Variants in CTNNBL1 observed in about 807,000 individuals in gnomAD.
CTNNBL1 encodes beta-catenin-like protein 1.
In CTNNBL1, 31 loss-of-function variants were observed where a neutral mutation model predicts 72.7. The observed-to-expected ratio is 0.43, with a 90% CI of 0.32 to 0.58. The LOEUF is 0.58. Ranked by LOEUF, CTNNBL1 falls within the 20% of genes least tolerant of loss-of-function variation. The probability of loss-of-function intolerance (pLI) is 0.08; values close to 1 mark genes in which losing one functional copy is unlikely to be tolerated. For missense variants in CTNNBL1, 534 were observed against 725.1 expected, an observed-to-expected ratio of 0.74 and a Z score of 3.03; for synonymous variants, 240 against 267.3, an observed-to-expected ratio of 0.90 and a Z score of 1.00.
chr20:37,835,093 G>A (rs2072242355), intron 11 of CTNNBL1, among the ~76,000 whole-genome samples: 3 of 152,182 alleles, frequency 2.0e-5, no homozygotes, highest in Admixed American at 2.0e-4. Context: ...AAGGATAAGG[G>A]CAGGCAGTTC....
chr20:37,815,927 T>A (rs779451386), intron 11 of CTNNBL1, among the ~76,000 whole-genome samples: 3 of 152,200 alleles, frequency 2.0e-5, no homozygotes, highest in Non-Finnish European at 2.9e-5. Context: ...CCTGGACTCT[T>A]GTAATATTGG....
At chr20:37,862,541 A>G (rs2072499646) in intron 15 of CTNNBL1, among the ~76,000 whole-genome samples, 1 of 152,022 alleles carries the variant, frequency 6.6e-6, no homozygotes, top group Admixed American at 6.6e-5. Context: ...ATCCTGGTTT[A>G]TTTCCCTAGT....
chr20:37,738,696 T>C (rs1480723388), intron 3 of CTNNBL1, among the ~76,000 whole-genome samples: 2 of 152,132 alleles, frequency 1.3e-5, no homozygotes. Context: ...AGAGATATAA[T>C]AGGAGAAGAA....
At chr20:37,786,977 A>C (rs1600487332) in intron 10 of CTNNBL1, among the ~76,000 whole-genome samples, 2 of 152,342 alleles carry the variant, frequency 1.3e-5, no homozygotes, top group East Asian at 3.9e-4. Flanking sequence ...TTTCTAGGGT[A>C]TAAAGTACTA....
intron 10 of CTNNBL1, among the ~76,000 whole-genome samples, chr20:37,783,103 A>C (rs746123458): frequency 1.3e-5 from 2 of 152,018 alleles, no homozygotes; most frequent in Non-Finnish European, 2.9e-5. Context: ...CAGAGACAGG[A>C]TTTCACCATG....
rs111734680 is a variant in CTNNBL1 at position 37,695,414 on chromosome 20, C to G, written c.30+1262C>G. Among the ~76,000 whole-genome samples the G allele has an allele frequency of 3.9e-3, 600 of 152,206 alleles. 6 individuals are homozygous for G. The highest frequency in any genetic ancestry group is 0.014 in the African/African-American group (569 of 41,516). On this transcript the variant is annotated intron_variant, in intron 1 of 15. Coordinates refer to ENST00000361383, the MANE Select transcript of CTNNBL1 (RefSeq NM_030877.5). ...CTTGCTATGTTGCCCAAGATGGTCT[C>G]AAACTCCTAGCCTCAAGCAGTCTTC...
At chr20:37,714,050 G>A (rs1221273834) in intron 1 of CTNNBL1, among the ~76,000 whole-genome samples, 1 of 150,888 alleles carries the variant, frequency 6.6e-6, no homozygotes, top group Admixed American at 6.6e-5. Context: ...CTAGAAGAGG[G>A]CTCCAATGGA....
At chr20:37,711,200 A>G (rs906338292) in intron 1 of CTNNBL1, among the ~76,000 whole-genome samples, 1 of 151,962 alleles carries the variant, frequency 6.6e-6, no homozygotes. Flanking sequence ...CAGTTCTGCA[A>G]CTCTGACAGT....
At chr20:37,750,293 C>G (rs1333175910) in intron 4 of CTNNBL1, 3 of 152,230 alleles carry the variant, frequency 2.0e-5, no homozygotes, top group Non-Finnish European at 4.4e-5. Flanking sequence ...AGAATGGATT[C>G]TGATCTGTGA....
chr20:37,849,470 C>G (rs1205979433), intron 13 of CTNNBL1, among the ~76,000 whole-genome samples: 1 of 152,214 alleles, frequency 6.6e-6, no homozygotes, highest in African/African-American at 2.4e-5. Flanking sequence ...TGTGCTTTCT[C>G]AAACCTTCTA....
chr20:37,758,628 G>A (rs994573894), intron 5 of CTNNBL1, among the ~76,000 whole-genome samples: 6 of 152,222 alleles, frequency 3.9e-5, no homozygotes, highest in African/African-American at 1.2e-4. Flanking sequence ...ATCTAGTCCA[G>A]CCCCTACCCT....
chr20:37,779,358 C>T (rs763194765), intron 10 of CTNNBL1, 23 bp downstream of exon 10: 2 of 1,607,960 alleles, frequency 1.2e-6, no homozygotes, highest in South Asian at 1.1e-5. Flanking sequence ...TGCCCTAGTT[C>T]TCCCACCTTT....
chr20:37,747,378 C>CAAA (rs11476313), intron 4 of CTNNBL1, among the ~76,000 whole-genome samples: 8 of 42,920 alleles, frequency 1.9e-4, no homozygotes, highest in African/African-American at 2.3e-4. Context: ...GACTCCATCT[C>CAAA]AAAAAAAAAA....
At chr20:37,821,980 G>A (rs1355792497) in intron 11 of CTNNBL1, among the ~76,000 whole-genome samples, 2 of 152,038 alleles carry the variant, frequency 1.3e-5, no homozygotes, top group South Asian at 2.1e-4. Flanking sequence ...ATAGAGAAAG[G>A]GAAGAATTTT....
At chr20:37,833,578 G>T (rs1302250978) in intron 11 of CTNNBL1, among the ~76,000 whole-genome samples, 1 of 152,182 alleles carries the variant, frequency 6.6e-6, no homozygotes, top group African/African-American at 2.4e-5. Flanking sequence ...CTGTGTGTGT[G>T]TGTGCGTGTG....
chr20:37,800,637 ACT>A lies in CTNNBL1; in HGVS notation c.1032-2226_1032-2225del, dbSNP rs1307439290. ...TACATGTATATTATTCTTTCCCCAC[ACT>A]CTCCCAAATACATGTAATTTGTCTC... On this transcript the variant is annotated intron_variant, in intron 10 of 15. Coordinates refer to ENST00000361383, the MANE Select transcript of CTNNBL1 (RefSeq NM_030877.5). 5.3e-5 allele frequency among the ~76,000 whole-genome samples: 8 copies of A among 151,704 alleles called. No homozygotes were observed. In the South Asian group the frequency reaches 1.7e-3, roughly 32 times the overall value.
intron 15 of CTNNBL1, among the ~76,000 whole-genome samples, chr20:37,869,156 C>G (rs2072561438): frequency 6.6e-6 from 1 of 152,196 alleles, no homozygotes; most frequent in African/African-American, 2.4e-5. Context: ...TGGGGGTAGA[C>G]ACACAGCTGG....
intron 11 of CTNNBL1, among the ~76,000 whole-genome samples, chr20:37,823,056 C>T (rs143912507): frequency 2.0e-5 from 3 of 152,232 alleles, no homozygotes; most frequent in African/African-American, 4.8e-5. Flanking sequence ...TGATTGTACC[C>T]GGTTAATAAA....
chr20:37,869,774 T>G (rs1163218284), intron 15 of CTNNBL1, among the ~76,000 whole-genome samples: 2 of 152,184 alleles, frequency 1.3e-5, no homozygotes, highest in Non-Finnish European at 2.9e-5. Flanking sequence ...GAACTAATGT[T>G]CCCTGGACGT....
Sources: allele counts gnomAD v4.1 joint callset (sites outside exome capture counted in the v4.1 genomes callset), GRCh38; gene constraint gnomAD v4.1.1; transcripts MANE v1.5; gene names NCBI Gene and HGNC (gene_info 2026-07-23, HGNC 2026-07-21).